KCNT1: variants seen among roughly 807,000 people sequenced by gnomAD.
The protein encoded by KCNT1 is potassium sodium-activated channel subfamily T member 1, also known as potassium channel subfamily T member 1.
In KCNT1, 78 loss-of-function variants were observed where a neutral mutation model predicts 147.8. The ratio of observed to expected loss-of-function variants is 0.53; its 90% CI spans 0.44 to 0.64. The LOEUF (loss-of-function observed/expected upper bound fraction) is 0.64, where lower values mean the gene tolerates loss of function less well. Among genes scored for constraint, KCNT1 ranks in the 30% least tolerant of loss-of-function variants. The pLI is 0.00. For missense variants in KCNT1, 1,419 were observed against 1,750.3 expected (o/e 0.81, Z 3.38); for synonymous variants, 867 against 748.8 (o/e 1.16, Z -2.58).
At position 135,751,051 on chromosome 9, in the gene KCNT1, G is replaced by C. The variant is rs187872786; in HGVS notation, c.434+10G>C. ...CCCTGGGCATCGGATGGTGGGCCACGTGCGCGGCCGGGCGCGGGGTCCCGG... is the reference window on the plus strand; with the variant it reads ...CCCTGGGCATCGGATGGTGGGCCACCTGCGCGGCCGGGCGCGGGGTCCCGG... On this transcript the variant is annotated intron_variant, in intron 4 of 30. Coordinates refer to ENST00000371757, the MANE Select transcript of KCNT1 (RefSeq NM_020822.3). 1.1e-5 allele frequency: 18 copies of C among 1,607,592 alleles called. No homozygotes were observed. The highest frequency in any genetic ancestry group is 1.5e-5 in the Non-Finnish European group (18 of 1,179,088).
chr9:135,751,224 C>T (rs897909031), intron 4 of KCNT1, among the ~76,000 whole-genome samples, 183 bp downstream of exon 4: 2 of 152,062 alleles, frequency 1.3e-5, no homozygotes, highest in Admixed American at 6.6e-5. Context: ...CCCAGGCTCC[C>T]GCAGACGGCT....
intron 25 of KCNT1, 45 bp from the exon 26 acceptor site, chr9:135,784,488 TCC>T: frequency 1.2e-5 from 1 of 85,996 alleles, no homozygotes; most frequent in South Asian, 1.1e-4. Context: ...TGTGGCTCCC[TCC>T]CTCCCTCCCT....
intron 19 of KCNT1, 123 bp from the exon 20 acceptor site, chr9:135,775,187 A>C (rs1049203092): frequency 7.9e-6 from 5 of 635,838 alleles, no homozygotes; most frequent in Non-Finnish European, 1.3e-5. Context: ...GCTGTGCGTG[A>C]CCCCGAGCAA....
At chr9:135,762,207 G>A (rs1564359258) in intron 11 of KCNT1, among the ~76,000 whole-genome samples, 3 of 152,242 alleles carry the variant, frequency 2.0e-5, no homozygotes, top group Admixed American at 6.5e-5. Flanking sequence ...ACTTTGAAAG[G>A]CCAAGGCGGG....
At position 135,730,250 on chromosome 9, in the gene KCNT1, G is replaced by T. The variant is rs938324537; in HGVS notation, c.254+15530G>T. 6.6e-6 allele frequency among the ~76,000 whole-genome samples: 1 copy of T among 152,194 alleles called. No homozygotes were observed. The highest frequency in any genetic ancestry group is 2.1e-4 in the South Asian group (1 of 4,832). On this transcript the variant is annotated intron_variant, in intron 2 of 30. Transcript: ENST00000371757. The surrounding 1 kb of genome is among the most constrained non-coding windows in gnomAD (Gnocchi z 4.7). ...CTGGACTCCCCCTTCGGAGCATCAG[G>T]TGTGGACCCATGGAGTTCCGTGGAC...
At chr9:135,764,219 G>A (rs1427201313) in intron 11 of KCNT1, among the ~76,000 whole-genome samples, 3 of 152,172 alleles carry the variant, frequency 2.0e-5, no homozygotes, top group Admixed American at 6.5e-5. Flanking sequence ...ACTTCAGGAC[G>A]ACAAGGCAGG....
chr9:135,776,219 C>T (rs1471063290), intron 20 of KCNT1, among the ~76,000 whole-genome samples: 1 of 151,986 alleles, frequency 6.6e-6, no homozygotes, highest in Non-Finnish European at 1.5e-5. Flanking sequence ...CTCGACCCAG[C>T]GGCTTCAACA....
chr9:135,748,404 A>G (rs930922371), intron 2 of KCNT1, among the ~76,000 whole-genome samples: 1 of 152,078 alleles, frequency 6.6e-6, no homozygotes, highest in Non-Finnish European at 1.5e-5. Context: ...GCTTTGGGAA[A>G]CATCGAATGT....
Position 135,709,156 on chromosome 9 carries a change from G to A in KCNT1, c.111-5421G>A, listed in dbSNP as rs568637706. On this transcript the variant is annotated intron_variant, in intron 1 of 30. Coordinates refer to ENST00000371757, the MANE Select transcript of KCNT1 (RefSeq NM_020822.3). ...AGTCTCTATATCACCTACAAGCTGG[G>A]TGCCCAGAGAAACCCACCTCTTCTT... Among the ~76,000 whole-genome samples, 5 of 152,322 alleles carry A rather than the reference G, an allele frequency of 3.3e-5. No individual in the cohort carries two copies. The South Asian group carries it at 8.3e-4, about 25-fold the overall frequency.
intron 2 of KCNT1, among the ~76,000 whole-genome samples, chr9:135,747,573 C>A (rs1011640327): frequency 6.6e-6 from 1 of 152,084 alleles, no homozygotes; most frequent in South Asian, 2.1e-4. Flanking sequence ...AGAAAGACGG[C>A]GGACAGACCC....
intron 13 of KCNT1, chr9:135,766,880 G>C (rs557328907): frequency 5.3e-5 from 8 of 152,318 alleles, no homozygotes; most frequent in African/African-American, 1.7e-4. Flanking sequence ...TCAAGTTCTA[G>C]GGAGGCTCAA....
chr9:135,772,809 C>A lies in KCNT1; in HGVS notation c.2103C>A (p.Asn701Lys). Reference protein sequence around the residue: ...GGSKLALPTENGSGSRRPSIA... With the variant: ...GGSKLALPTEKGSGSRRPSIA... ...GCAAGCTGGCACTGCCCACGGAGAA[C>A]GGCTCGGGCAGCCGGCGGCCCAGCA... Residue 701 changes from asparagine to lysine, a missense_variant, in exon 19 of 31, where the codon AAC (asparagine) becomes AAA (lysine). By Grantham distance (94) the Asn-to-Lys change is moderately conservative. Transcript: ENST00000371757. The A allele has an allele frequency of 6.6e-7, 1 of 1,513,766 alleles. No individual in the cohort carries two copies. 93.8% of individuals were successfully genotyped at this position (1,513,766 alleles called of 1,614,324 possible). A position where few individuals can be genotyped will look rare whatever the true frequency, so the allele number is the denominator to read the frequency against.
At chr9:135,715,527 G>A (rs1350933116) in intron 2 of KCNT1, among the ~76,000 whole-genome samples, 1 of 61,872 alleles carries the variant, frequency 1.6e-5, no homozygotes, top group Non-Finnish European at 3.5e-5. Context: ...GGGTACGGCA[G>A]GGTCGGGGTT....
chr9:135,768,676 G>A lies in KCNT1; in HGVS notation c.1401+3G>A. On this transcript the variant is annotated splice_donor_region_variant and intron_variant, in intron 14 of 30. Transcript: ENST00000371757. ...ACGAGGTGGACCGCACGGCTGCAGT[G>A]AGTGAGGCTGAGGCCCTGCCCAGGC... 1 of 1,550,184 alleles carries A rather than the reference G, an allele frequency of 6.5e-7. No individual in the cohort carries two copies. Among genetic ancestry groups the A allele is most frequent in the Non-Finnish European group, 8.7e-7 (1 of 1,146,712 alleles).
chr9:135,775,233 C>G, intron 19 of KCNT1, 77 bp from the exon 20 acceptor site: 1 of 1,119,498 alleles, frequency 8.9e-7, no homozygotes, highest in East Asian at 2.7e-5. Context: ...CTCGAGTCCC[C>G]CAGCCCGAGG....
At position 135,770,283 on chromosome 9, in the gene KCNT1, C is replaced by CGCCCTG. The variant is rs754045989; in HGVS notation, c.1620-10_1620-5dup. The CGCCCTG allele has an allele frequency of 5.6e-5, 88 of 1,577,726 alleles. No homozygotes were observed. The highest frequency in any genetic ancestry group is 1.8e-5 in the Admixed American group (1 of 56,352). ...GCCGAGGGTGACGCTCCCCTGGCCC[C>CGCCCTG]GCCCTGGCCCACAGGGAGGGACAGG... is the stretch of plus-strand genomic sequence containing the variant. On this transcript the variant is annotated splice_polypyrimidine_tract_variant and intron_variant, in intron 16 of 30. Transcript: ENST00000371757.
intron 2 of KCNT1, among the ~76,000 whole-genome samples, chr9:135,734,853 A>G (rs535401648): frequency 6.6e-6 from 1 of 152,204 alleles, no homozygotes; most frequent in East Asian, 1.9e-4. Context: ...GTGACCATGT[A>G]TGGGCAGCCC....
At chr9:135,711,790 G>A (rs923485600) in intron 1 of KCNT1, among the ~76,000 whole-genome samples, 2 of 152,168 alleles carry the variant, frequency 1.3e-5, no homozygotes, top group Non-Finnish European at 2.9e-5. Context: ...CACGCTGGGC[G>A]CCGGCCACCC....
At chr9:135,741,615 G>A (rs1178627993) in intron 2 of KCNT1, among the ~76,000 whole-genome samples, 1 of 152,096 alleles carries the variant, frequency 6.6e-6, no homozygotes, top group Non-Finnish European at 1.5e-5. Context: ...GGCCCTCCCA[G>A]GGGTGTGTCC....
Sources: allele counts gnomAD v4.1 joint callset (sites outside exome capture counted in the v4.1 genomes callset), GRCh38; gene constraint gnomAD v4.1.1; non-coding constraint Gnocchi (gnomAD v3.1); transcripts MANE v1.5; gene names NCBI Gene and HGNC (gene_info 2026-07-23, HGNC 2026-07-21).